The following ARL15 variants were observed in gnomAD, a reference collection of about 807,000 sequenced individuals.
ARL15 encodes the protein ARF like GTPase 15.
In ARL15, 19 loss-of-function variants were observed where a neutral mutation model predicts 25.2. That is an observed-to-expected ratio of 0.75 (90% CI 0.53 to 1.10). The LOEUF is 1.10. Among genes scored for constraint, ARL15 ranks in the 50% least tolerant of loss-of-function variants. The pLI is 0.00. For synonymous variants in ARL15, 94 were observed against 86.8 expected (o/e 1.08, Z -0.46); for missense variants, 220 against 246.0 (o/e 0.89, Z 0.71).
intron 4 of ARL15, among the ~76,000 whole-genome samples, chr5:53,891,065 A>G (rs148676141): frequency 9.8e-4 from 149 of 152,326 alleles, no homozygotes; most frequent in African/African-American, 3.2e-3. Flanking sequence ...CTAAATTTCT[A>G]GAAGGCATGT....
intron 4 of ARL15, among the ~76,000 whole-genome samples, chr5:54,018,397 G>C (rs1222849980): frequency 6.6e-6 from 1 of 152,130 alleles, no homozygotes; most frequent in Non-Finnish European, 1.5e-5. Flanking sequence ...TGAACCATAA[G>C]TAAATTCTTA....
rs993130408 is a variant in ARL15, at chr5:54,171,723, G to A, written c.193+61C>T. 319 of 1,533,954 alleles carry A rather than the reference G, an allele frequency of 2.1e-4. 1 individual carries two copies. The highest frequency in any genetic ancestry group is 2.0e-4 in the Non-Finnish European group (229 of 1,132,942). ...TAGAAGGGAGGGGATAAATTGCACAGGAAACTAGGACATCTTGGGATGAGA... is the reference window on the plus strand; with the variant it reads ...TAGAAGGGAGGGGATAAATTGCACAAGAAACTAGGACATCTTGGGATGAGA... On this transcript the variant is annotated intron_variant, in intron 2 of 4. Transcript: ENST00000504924.
chr5:53,907,488 ATTTTTTTTT>A (rs869174212), intron 4 of ARL15, among the ~76,000 whole-genome samples: 12 of 18,002 alleles, frequency 6.7e-4, no homozygotes, highest in South Asian at 3.8e-3. Flanking sequence ...ATATATATAT[ATTTTTTTTT>A]TTTTTTTTTT....
chr5:54,261,753 C>T (rs1441939330), intron 1 of ARL15, among the ~76,000 whole-genome samples: 2 of 152,014 alleles, frequency 1.3e-5, no homozygotes, highest in African/African-American at 4.8e-5. Flanking sequence ...AGATCTTACA[C>T]ACACACACAC....
chr5:54,064,247 C>T (rs898612303), intron 4 of ARL15, among the ~76,000 whole-genome samples: 2 of 152,054 alleles, frequency 1.3e-5, no homozygotes, highest in Non-Finnish European at 2.9e-5. Flanking sequence ...TACCGAAATA[C>T]AGATGATGAG....
At position 54,169,365 on chromosome 5, in the gene ARL15, A is replaced by G. The variant is rs148670798; in HGVS notation, c.193+2419T>C. On this transcript the variant is annotated intron_variant, in intron 2 of 4. Transcript: ENST00000504924. The stretch of plus-strand genomic sequence containing the variant: ...TTACTCAAAAGATATTCACAGTTTT[A>G]TAAACAACCAATAAAGTACCTACTT... Among the ~76,000 whole-genome samples the G allele has an allele frequency of 3.3e-3, 510 of 152,340 alleles. 3 individuals carry two copies. The highest frequency in any genetic ancestry group is 0.011 in the African/African-American group (461 of 41,576).
At chr5:54,102,169 C>T (rs1164998072) in intron 4 of ARL15, among the ~76,000 whole-genome samples, 5 of 151,964 alleles carry the variant, frequency 3.3e-5, no homozygotes, top group Admixed American at 1.3e-4. Context: ...TGCACCACCA[C>T]GCCCGGCTAA....
At chr5:54,305,477 A>G (rs1288727449) in intron 1 of ARL15, among the ~76,000 whole-genome samples, 1 of 152,150 alleles carries the variant, frequency 6.6e-6, no homozygotes, top group Non-Finnish European at 1.5e-5. Context: ...AAAATAAATA[A>G]ATAAAAAATC....
At chr5:54,118,581 A>C (rs571478833) in intron 3 of ARL15, among the ~76,000 whole-genome samples, 8 of 152,268 alleles carry the variant, frequency 5.3e-5, no homozygotes, top group South Asian at 2.1e-4. Flanking sequence ...TTTAGGCATA[A>C]ATTTAGAGCT....
intron 4 of ARL15, among the ~76,000 whole-genome samples, chr5:53,956,168 G>C (rs1747148583): frequency 6.6e-6 from 1 of 151,898 alleles, no homozygotes; most frequent in African/African-American, 2.4e-5. Flanking sequence ...TGGCATTCAA[G>C]AAAATCTCTT....
At chr5:53,970,813 G>T (rs2112181365) in intron 4 of ARL15, among the ~76,000 whole-genome samples, 1 of 152,348 alleles carries the variant, frequency 6.6e-6, no homozygotes, top group East Asian at 1.9e-4. Flanking sequence ...ACAGACAAGG[G>T]ATTAATTGGA....
intron 4 of ARL15, among the ~76,000 whole-genome samples, chr5:54,042,211 C>T (rs1010254651): frequency 8.5e-5 from 13 of 152,056 alleles, no homozygotes; most frequent in African/African-American, 1.9e-4. Flanking sequence ...CCTCATGATC[C>T]GCCCACCTCA....
intron 4 of ARL15, among the ~76,000 whole-genome samples, chr5:54,105,028 A>T (rs1752547644): frequency 6.6e-6 from 1 of 151,414 alleles, no homozygotes; most frequent in South Asian, 2.1e-4. Context: ...TTTAAAGCAG[A>T]CACTATGTAA....
intron 4 of ARL15, among the ~76,000 whole-genome samples, chr5:54,030,801 G>C (rs114414819): frequency 7.6e-4 from 116 of 152,276 alleles, no homozygotes; most frequent in African/African-American, 2.7e-3. Context: ...AAAGGGCAAA[G>C]AGCACTAAAA....
At chr5:54,275,842 G>A (rs1342759968) in intron 1 of ARL15, among the ~76,000 whole-genome samples, 2 of 143,812 alleles carry the variant, frequency 1.4e-5, no homozygotes, top group East Asian at 3.9e-4. Context: ...CCGCCACCAC[G>A]CCTGGCTAAT....
intron 3 of ARL15, among the ~76,000 whole-genome samples, chr5:54,128,615 T>C (rs72752121): frequency 1.7e-4 from 26 of 152,246 alleles, no homozygotes; most frequent in Non-Finnish European, 2.8e-4. Flanking sequence ...CACAGGTCAC[T>C]GAGTTGATAA....
chr5:54,295,087 C>G (rs1426372466), intron 1 of ARL15, among the ~76,000 whole-genome samples: 1 of 152,196 alleles, frequency 6.6e-6, no homozygotes, highest in Non-Finnish European at 1.5e-5. Context: ...TTTTAAGCAA[C>G]TTGTTTCATT....
chr5:54,074,904 G>A lies in ARL15; in HGVS notation c.462+38298C>T, dbSNP rs367615806. Among the ~76,000 whole-genome samples, 33 of 151,380 alleles carry A rather than the reference G, an allele frequency of 2.2e-4. No homozygotes were observed. In the South Asian group the frequency reaches 6.8e-3, roughly 31 times the overall value. On this transcript the variant is annotated intron_variant, in intron 4 of 4. Transcript: ENST00000504924. ...TATTTCACTTCCCCAGGTCTCAGTG[G>A]TAGCAATCTTCACACACTATTAATG...
intron 4 of ARL15, among the ~76,000 whole-genome samples, chr5:53,900,766 TGAA>T (rs1310024067): frequency 1.3e-5 from 2 of 152,184 alleles, no homozygotes; most frequent in African/African-American, 4.8e-5. Flanking sequence ...CATGGTTTCA[TGAA>T]GGAGGTGGGA....
Sources: gnomAD v4.1 joint callset for allele counts (sites outside exome capture counted in the v4.1 genomes callset) on GRCh38, gnomAD v4.1.1 for gene constraint, MANE v1.5 for transcripts, NCBI Gene and HGNC (gene_info 2026-07-23, HGNC 2026-07-21) for gene names.